SHLD1: variants seen among roughly 807,000 people sequenced by gnomAD.
The protein encoded by SHLD1 is shieldin complex subunit 1, also known as RINN1-REV7-interacting novel NHEJ regulator 3.
A neutral mutation model predicts 5.5 loss-of-function variants in SHLD1; 3 were observed. The ratio of observed to expected loss-of-function variants is 0.54; its 90% CI spans 0.25 to 1.40. SHLD1 has a LOEUF of 1.40. Among genes scored for constraint, SHLD1 ranks in the 40% most tolerant of loss-of-function variants. The pLI is 0.15. For synonymous variants in SHLD1, 92 were observed against 94.3 expected (o/e 0.98, Z 0.14); for missense variants, 210 against 244.4 (o/e 0.86, Z 0.94).
At chr20:5,835,979 G>A (rs1021745567) in intron 2 of SHLD1, among the ~76,000 whole-genome samples, 33 of 152,172 alleles carry the variant, frequency 2.2e-4, no homozygotes, top group African/African-American at 7.7e-4. Context: ...CCGATCGGAG[G>A]TTAAATAAAA....
intron 2 of SHLD1, among the ~76,000 whole-genome samples, chr20:5,788,587 A>T (rs1472393625): frequency 2.0e-5 from 3 of 152,174 alleles, no homozygotes; most frequent in Admixed American, 6.5e-5. Context: ...CTTACTGAGA[A>T]AAAGAATTTA....
chr20:5,767,700 C>T (rs1984919824), intron 1 of SHLD1, among the ~76,000 whole-genome samples: 1 of 152,214 alleles, frequency 6.6e-6, no homozygotes, highest in South Asian at 2.1e-4. Flanking sequence ...GCACTCATGA[C>T]ACCTGGTGCC....
At chr20:5,781,190 C>T (rs1272670900) in intron 2 of SHLD1, among the ~76,000 whole-genome samples, 3 of 152,136 alleles carry the variant, frequency 2.0e-5, no homozygotes, top group Non-Finnish European at 4.4e-5. Context: ...AAAATCCTCC[C>T]CTCAGCCCTT....
intron 2 of SHLD1, among the ~76,000 whole-genome samples, chr20:5,780,378 G>A (rs6133262): frequency 0.24 from 35,805 of 151,998 alleles, 4,539 homozygotes; most frequent in Middle Eastern, 0.32. Context: ...GAGGCGTGGC[G>A]TAGTCTTCTG....
chr20:5,859,075 T>C (rs541244969), intron 2 of SHLD1, among the ~76,000 whole-genome samples: 57 of 152,204 alleles, frequency 3.7e-4, no homozygotes, highest in African/African-American at 1.3e-3. Flanking sequence ...CAACCATTGT[T>C]GTGGGGTAAA....
chr20:5,752,984 T>TG (rs1243014606), intron 1 of SHLD1, among the ~76,000 whole-genome samples: 1 of 152,020 alleles, frequency 6.6e-6, no homozygotes. Context: ...TCAGTAGAGA[T>TG]GGGGGGGTTT....
chr20:5,750,658 G>A (rs1405373139), intron 1 of SHLD1, among the ~76,000 whole-genome samples, 179 bp downstream of exon 1: 1 of 151,994 alleles, frequency 6.6e-6, no homozygotes, highest in Non-Finnish European at 1.5e-5. Context: ...TGTGCTTTGG[G>A]GAATTTTGGG....
chr20:5,862,699 T>A lies in SHLD1; in HGVS notation c.179-325T>A, dbSNP rs573022797. On this transcript the variant is annotated intron_variant, in intron 2 of 2. Coordinates refer to ENST00000303142, the MANE Select transcript of SHLD1 (RefSeq NM_152504.4). ...TACATTCATCATGGGAGGAAATGCT[T>A]AATTTCAGGTTGTGGTTAGTGAAAA... Among the ~76,000 whole-genome samples, 18 of 152,384 alleles carry A rather than the reference T, an allele frequency of 1.2e-4. No individual in the cohort carries two copies. In the South Asian group the frequency reaches 3.5e-3, roughly 30 times the overall value.
intron 2 of SHLD1, among the ~76,000 whole-genome samples, chr20:5,813,818 G>A (rs1280222064): frequency 6.6e-6 from 1 of 151,960 alleles, no homozygotes; most frequent in Non-Finnish European, 1.5e-5. Context: ...AAGAGAAATA[G>A]TAACATACTT....
chr20:5,850,655 T>C (rs1163347527), intron 2 of SHLD1, among the ~76,000 whole-genome samples: 1 of 151,740 alleles, frequency 6.6e-6, no homozygotes, highest in Non-Finnish European at 1.5e-5. Context: ...GGATTACAGG[T>C]GTGTGCCACC....
chr20:5,764,254 T>C (rs1207428824), intron 1 of SHLD1, among the ~76,000 whole-genome samples: 3 of 143,414 alleles, frequency 2.1e-5, no homozygotes, highest in African/African-American at 7.7e-5. Context: ...TCTTTGTCTA[T>C]TTATAGAACA....
At chr20:5,784,696 C>G (rs980510064) in intron 2 of SHLD1, among the ~76,000 whole-genome samples, 1 of 152,164 alleles carries the variant, frequency 6.6e-6, no homozygotes, top group African/African-American at 2.4e-5. Flanking sequence ...GTGATCCGCC[C>G]GCCTCAGCCT....
intron 1 of SHLD1, among the ~76,000 whole-genome samples, chr20:5,750,900 G>A (rs149725629): frequency 3.3e-5 from 5 of 152,272 alleles, no homozygotes; most frequent in Middle Eastern, 3.4e-3. Context: ...AGGAGACTGA[G>A]GTGGGAGAAT....
At chr20:5,758,242 C>T (rs1005851317) in intron 1 of SHLD1, among the ~76,000 whole-genome samples, 2 of 142,434 alleles carry the variant, frequency 1.4e-5, no homozygotes, top group African/African-American at 5.3e-5. Context: ...GCCTGAGGTA[C>T]AAGCTAAGGT....
chr20:5,856,613 C>T (rs2088089217), intron 2 of SHLD1, among the ~76,000 whole-genome samples: 1 of 152,194 alleles, frequency 6.6e-6, no homozygotes, highest in Non-Finnish European at 1.5e-5. Context: ...CATGGTGAGG[C>T]TTCTGAAGTC....
At chr20:5,857,407 G>T (rs1191547664) in intron 2 of SHLD1, among the ~76,000 whole-genome samples, 3 of 152,162 alleles carry the variant, frequency 2.0e-5, no homozygotes, top group Non-Finnish European at 2.9e-5. Context: ...AGTGTGCCAT[G>T]CAGGGCCCTG....
At chr20:5,849,204 T>A (rs1449341981) in intron 2 of SHLD1, among the ~76,000 whole-genome samples, 3 of 152,166 alleles carry the variant, frequency 2.0e-5, no homozygotes, top group Non-Finnish European at 4.4e-5. Context: ...GCCCTAGAAC[T>A]CCAACCCTGG....
chr20:5,790,474 T>C (rs2087122997), intron 2 of SHLD1, among the ~76,000 whole-genome samples: 1 of 149,518 alleles, frequency 6.7e-6, no homozygotes, highest in Non-Finnish European at 1.5e-5. Context: ...TTTTTTTGAG[T>C]TGGAGTCTCA....
At chr20:5,787,277 T>G (rs916128528) in intron 2 of SHLD1, among the ~76,000 whole-genome samples, 36 of 152,192 alleles carry the variant, frequency 2.4e-4, no homozygotes, top group Non-Finnish European at 1.5e-5. Context: ...GTCAGGAATT[T>G]TAACTCCCTT....
Sources: gnomAD v4.1 joint callset for allele counts (sites outside exome capture counted in the v4.1 genomes callset) on GRCh38, gnomAD v4.1.1 for gene constraint, MANE v1.5 for transcripts, NCBI Gene and HGNC (gene_info 2026-07-23, HGNC 2026-07-21) for gene names.